Variants in NEK11 observed in about 807,000 individuals in gnomAD.
The protein encoded by NEK11 is serine/threonine-protein kinase Nek11.
NEK11 carries 72 observed loss-of-function variants against 80.7 expected under a neutral mutation model. The ratio of observed to expected loss-of-function variants is 0.89; its 90% CI spans 0.74 to 1.08. NEK11 has a LOEUF of 1.08. NEK11 is among the 50% of genes least tolerant of loss of function. The probability of loss-of-function intolerance (pLI) is 0.00; values close to 1 mark genes in which losing one functional copy is unlikely to be tolerated. For synonymous variants in NEK11, 251 were observed against 260.7 expected, an observed-to-expected ratio of 0.96 and a Z score of 0.36; for missense variants, 764 against 763.6, an observed-to-expected ratio of 1.00 and a Z score of -0.01.
intron 4 of NEK11, among the ~76,000 whole-genome samples, chr3:131,089,132 C>T (rs1321304871): frequency 6.6e-6 from 1 of 152,228 alleles, no homozygotes; most frequent in Non-Finnish European, 1.5e-5. Flanking sequence ...ATATTAAGTA[C>T]ATGGCCTGTT....
intron 14 of NEK11, among the ~76,000 whole-genome samples, chr3:131,195,428 C>T (rs1171951797): frequency 8.0e-6 from 1 of 125,306 alleles, no homozygotes; most frequent in African/African-American, 2.5e-5. Flanking sequence ...ACATCTTTCC[C>T]ATCTTTGAAA....
At chr3:131,329,037 C>G (rs2097025908) in intron 17 of NEK11, 1 of 152,182 alleles carries the variant, frequency 6.6e-6, no homozygotes, top group Non-Finnish European at 1.5e-5. Context: ...AGAAGACAGG[C>G]AGAAACACTG....
intron 17 of NEK11, among the ~76,000 whole-genome samples, chr3:131,309,987 TAAAAA>T (rs558210123): frequency 1.5e-3 from 35 of 23,304 alleles, no homozygotes; most frequent in African/African-American, 4.8e-3. Flanking sequence ...AGACCATGTT[TAAAAA>T]AAAAAAAAAA....
In NEK11 at chr3:131,159,487, C is replaced by T. The variant is rs147889787; in HGVS notation, c.963-2921C>T. Reference sequence around the variant, plus strand: ...AAACCACACTGTAAGAATTTCAGGCCGGGCCCAGTGGCTCATGCCTATAAT... The same window carrying T: ...AAACCACACTGTAAGAATTTCAGGCTGGGCCCAGTGGCTCATGCCTATAAT... On this transcript the variant is annotated intron_variant, in intron 10 of 17. Transcript: ENST00000383366. 2.7e-3 allele frequency among the ~76,000 whole-genome samples: 413 copies of T among 152,276 alleles called. 2 individuals are homozygous for T. Among genetic ancestry groups the T allele is most frequent in the Non-Finnish European group, 4.5e-3 (304 of 68,028 alleles).
intron 16 of NEK11, among the ~76,000 whole-genome samples, chr3:131,243,872 C>T (rs957131287): frequency 6.6e-5 from 10 of 151,920 alleles, no homozygotes; most frequent in African/African-American, 1.7e-4. Context: ...ACCATCACTC[C>T]GAAGGTCAGT....
rs200262796 is a variant in NEK11 at position 131,155,019 on chromosome 3, G to T, written c.877-17G>T. Reference sequence around the variant, plus strand: ...AGAGGAGCCTTTAAGATATGTCAGGGTTGATCTTTTTTTCAGAACCTAATG... The same window carrying T: ...AGAGGAGCCTTTAAGATATGTCAGGTTTGATCTTTTTTTCAGAACCTAATG... On this transcript the variant is annotated splice_polypyrimidine_tract_variant and intron_variant, in intron 9 of 17. Coordinates refer to ENST00000383366, the MANE Select transcript of NEK11 (RefSeq NM_024800.5). 5 of 1,484,360 alleles carry T rather than the reference G, an allele frequency of 3.4e-6. No homozygotes were observed. The highest frequency in any genetic ancestry group is 1.1e-5 in the South Asian group (1 of 88,302). The allele number at this position is 1,484,360 out of a possible 1,614,324, so 91.9% of individuals were successfully genotyped here.
chr3:131,287,840 G>A (rs1346144913), intron 17 of NEK11, among the ~76,000 whole-genome samples: 1 of 152,118 alleles, frequency 6.6e-6, no homozygotes, highest in African/African-American at 2.4e-5. Flanking sequence ...TATTATGTAA[G>A]GAAGGCTGAG....
At chr3:131,174,872 G>T in intron 14 of NEK11, 2 of 1,541,306 alleles carry the variant, frequency 1.3e-6, no homozygotes, top group Non-Finnish European at 1.7e-6. Context: ...CCACCATTCA[G>T]ATGTGGAGAA....
intron 3 of NEK11, among the ~76,000 whole-genome samples, chr3:131,048,578 G>T (rs1251156722): frequency 2.0e-5 from 3 of 152,164 alleles, no homozygotes; most frequent in African/African-American, 7.2e-5. Context: ...CCCAGTGAGG[G>T]TGTGTGTTTG....
At chr3:131,226,875 T>C (rs1043414424) in intron 14 of NEK11, among the ~76,000 whole-genome samples, 1 of 152,082 alleles carries the variant, frequency 6.6e-6, no homozygotes, top group Admixed American at 6.6e-5. Context: ...TATATATATG[T>C]GTACATACAG....
intron 7 of NEK11, among the ~76,000 whole-genome samples, chr3:131,151,921 G>T (rs2089715956): frequency 6.6e-6 from 1 of 152,030 alleles, no homozygotes; most frequent in Non-Finnish European, 1.5e-5. Flanking sequence ...AATAAATAAT[G>T]CCAGTTTCCT....
At chr3:131,154,047 G>A (rs1190013668) in intron 9 of NEK11, among the ~76,000 whole-genome samples, 1 of 152,122 alleles carries the variant, frequency 6.6e-6, no homozygotes, top group Admixed American at 6.6e-5. Context: ...GTGCCTTGGA[G>A]GTAGGTACAA....
At chr3:131,284,070 A>G (rs905749213) in intron 17 of NEK11, among the ~76,000 whole-genome samples, 11 of 152,180 alleles carry the variant, frequency 7.2e-5, no homozygotes, top group Non-Finnish European at 1.6e-4. Flanking sequence ...TGTAAGTGTG[A>G]TTTACAAGAC....
chr3:131,102,932 G>A (rs1210869954), intron 4 of NEK11, among the ~76,000 whole-genome samples: 1 of 152,130 alleles, frequency 6.6e-6, no homozygotes, highest in East Asian at 1.9e-4. Flanking sequence ...TGAGCTCTGA[G>A]ATTCTTTTCT....
chr3:131,162,501 G>C lies in NEK11; in HGVS notation c.1056G>C (p.Ala352=). The stretch of plus-strand genomic sequence containing the variant: ...GGATGCGGCTGAGGAAGCTCCAGGC[G>C]GCTGATGAGAAAGCCAGGAAGCTGA... ...RERMRLRKLQ[A]ADEKARKLKK... is the part of the protein sequence containing the mutation. The change falls in exon 11 of 18, where the codon GCG becomes GCC. Residue 352 remains alanine (A), a synonymous_variant. Coordinates refer to ENST00000383366, the MANE Select transcript of NEK11 (RefSeq NM_024800.5). 6.2e-7 allele frequency: 1 copy of C among 1,614,044 alleles called. No individual in the cohort carries two copies. Among genetic ancestry groups the C allele is most frequent in the Non-Finnish European group, 8.5e-7 (1 of 1,179,978 alleles).
intron 3 of NEK11, among the ~76,000 whole-genome samples, chr3:131,052,926 A>G (rs2068688661): frequency 6.6e-6 from 1 of 152,180 alleles, no homozygotes; most frequent in African/African-American, 2.4e-5. Context: ...AGATCCTTAA[A>G]TTTGCTGGGG....
At chr3:131,298,024 T>A (rs1365509302) in intron 17 of NEK11, among the ~76,000 whole-genome samples, 3 of 152,166 alleles carry the variant, frequency 2.0e-5, no homozygotes, top group Non-Finnish European at 4.4e-5. Flanking sequence ...TTGATCTATA[T>A]CTCTGTTTTG....
At chr3:131,036,972 A>G (rs925806987) in intron 3 of NEK11, among the ~76,000 whole-genome samples, 1 of 152,098 alleles carries the variant, frequency 6.6e-6, no homozygotes, top group African/African-American at 2.4e-5. Flanking sequence ...GTTAGTAAAT[A>G]CTCTTTAAAA....
At chr3:131,137,151 GGGT>G (rs1467372150) in intron 7 of NEK11, among the ~76,000 whole-genome samples, 9 of 152,098 alleles carry the variant, frequency 5.9e-5, no homozygotes, top group Non-Finnish European at 1.2e-4. Context: ...GAGGTTGGTT[GGGT>G]GGGGGACAGA....
Sources: gnomAD v4.1 joint callset for allele counts (sites outside exome capture counted in the v4.1 genomes callset) on GRCh38, gnomAD v4.1.1 for gene constraint, MANE v1.5 for transcripts, NCBI Gene and HGNC (gene_info 2026-07-23, HGNC 2026-07-21) for gene names.